Variants in ANAPC5 observed in about 807,000 individuals in gnomAD.
ANAPC5 encodes anaphase-promoting complex subunit 5.
A neutral mutation model predicts 91.3 loss-of-function variants in ANAPC5; 60 were observed. That is an observed-to-expected ratio of 0.66 (90% CI 0.53 to 0.81). The LOEUF (loss-of-function observed/expected upper bound fraction) is 0.81. Ranked by LOEUF, ANAPC5 falls within the 40% of genes least tolerant of loss-of-function variation. ANAPC5 has a pLI of 0.00. For missense variants in ANAPC5, 690 were observed against 931.5 expected, an observed-to-expected ratio of 0.74 and a Z score of 3.37; for synonymous variants, 340 against 364.1, an observed-to-expected ratio of 0.93 and a Z score of 0.75.
intron 9 of ANAPC5, 89 bp from the exon 10 acceptor site, chr12:121,328,586 T>G (rs1482039073): frequency 8.1e-6 from 10 of 1,236,426 alleles, no homozygotes; most frequent in Non-Finnish European, 1.2e-5. Context: ...ATTTCACATT[T>G]CAGCACATGC....
chr12:121,308,840 G>A, intron 16 of ANAPC5, 149 bp from the exon 17 acceptor site: 3 of 723,246 alleles, frequency 4.1e-6, no homozygotes, highest in Non-Finnish European at 6.9e-6. Context: ...CAAACCACTA[G>A]GGTGAGGTTT....
chr12:121,348,656 C>G (rs566075296), intron 1 of ANAPC5, among the ~76,000 whole-genome samples: 15 of 152,138 alleles, frequency 9.9e-5, no homozygotes, highest in African/African-American at 3.6e-4. Flanking sequence ...CAGAGCAAGA[C>G]TCCGTCTCCA....
At chr12:121,314,865 A>C (rs1417546493) in intron 15 of ANAPC5, among the ~76,000 whole-genome samples, 1 of 152,120 alleles carries the variant, frequency 6.6e-6, no homozygotes, top group Non-Finnish European at 1.5e-5. Context: ...TCCTGGCCTT[A>C]AGTAATCTGC....
Position 121,320,396 on chromosome 12 carries a change from G to C in ANAPC5, c.1504C>G (p.Gln502Glu). ...AAAAGGCAGATTACCTGGGCGTGCT[G>C]ACTATTAGGCGGAAATCGTTCCTTC... is the stretch of plus-strand genomic sequence containing the variant. ...HLKERFPPNS[Q>E]HAQLWMLCDQ... is the part of the protein sequence containing the mutation. Residue 502 changes from glutamine (Q) to glutamate (E), a missense_variant, in exon 12 of 17, where the codon CAG (glutamine) becomes GAG (glutamate). Physicochemically the swap from Gln to Glu is conservative, Grantham distance 29. Coordinates refer to ENST00000261819, the MANE Select transcript of ANAPC5 (RefSeq NM_016237.5). 6.2e-7 allele frequency: 1 copy of C among 1,613,598 alleles called. No homozygotes were observed. Among genetic ancestry groups the C allele is most frequent in the African/African-American group, 1.3e-5 (1 of 75,032 alleles).
chr12:121,319,917 A>G, intron 12 of ANAPC5, 99 bp from the exon 13 acceptor site: 2 of 1,173,272 alleles, frequency 1.7e-6, no homozygotes, highest in South Asian at 3.4e-5. Flanking sequence ...TATCCTTACA[A>G]TAATTCACAC....
At chr12:121,337,075 G>A (rs934620712) in intron 6 of ANAPC5, among the ~76,000 whole-genome samples, 21 of 152,126 alleles carry the variant, frequency 1.4e-4, no homozygotes, top group African/African-American at 4.8e-4. Flanking sequence ...AAAATTAGCT[G>A]GGCGTGGTGG....
chr12:121,329,583 T>C (rs1204333901), intron 9 of ANAPC5, among the ~76,000 whole-genome samples: 2 of 151,898 alleles, frequency 1.3e-5, no homozygotes, highest in African/African-American at 4.8e-5. Flanking sequence ...TGGGTGTTTC[T>C]GAGAGAGAAT....
chr12:121,345,740 C>T (rs1903641673), intron 4 of ANAPC5, 99 bp downstream of exon 4: 2 of 1,248,840 alleles, frequency 1.6e-6, no homozygotes, highest in Non-Finnish European at 2.3e-6. Flanking sequence ...GTAAAAAGGG[C>T]ATAAGCCAGC....
At position 121,335,596 on chromosome 12, in the gene ANAPC5, T is replaced by C. The variant is rs781789108; in HGVS notation, c.887A>G (p.Tyr296Cys). Residue 296 changes from tyrosine to cysteine, a missense_variant, in exon 7 of 17, where the codon TAT becomes TGT. Transcript: ENST00000261819. Reference sequence around the variant, plus strand: ...AGCGGCGTATCTCAAGCTCCGGCCATAGCCCTCTTCCCCATTACTTTTGCT... The same window carrying C: ...AGCGGCGTATCTCAAGCTCCGGCCACAGCCCTCTTCCCCATTACTTTTGCT... ...AESKSNGEEG[Y>C]GRSLRYAALN... 5.3e-5 allele frequency: 85 copies of C among 1,613,886 alleles called. No homozygotes were observed. Among genetic ancestry groups the C allele is most frequent in the Non-Finnish European group, 6.7e-5 (79 of 1,179,872 alleles).
intron 15 of ANAPC5, among the ~76,000 whole-genome samples, chr12:121,313,720 C>T (rs896269319): frequency 3.3e-5 from 5 of 152,124 alleles, no homozygotes; most frequent in Non-Finnish European, 7.4e-5. Context: ...TCTGAATAGA[C>T]CTATAACAAC....
chr12:121,347,893 A>G lies in ANAPC5; in HGVS notation c.208-12T>C, dbSNP rs1362253787. 10 of 1,571,756 alleles carry G rather than the reference A, an allele frequency of 6.4e-6. No individual in the cohort carries two copies. The highest frequency in any genetic ancestry group is 1.1e-5 in the South Asian group (1 of 89,906). ...GTAATATCTGGGCCCTGTGTAAAGG[A>G]GAGATAGGGAGGTATGGATTTTAAA... On this transcript the variant is annotated splice_polypyrimidine_tract_variant and intron_variant, in intron 1 of 16. Transcript: ENST00000261819.
chr12:121,340,327 A>C (rs190946342), intron 5 of ANAPC5, among the ~76,000 whole-genome samples: 121 of 151,524 alleles, frequency 8.0e-4, no homozygotes, highest in Non-Finnish European at 1.3e-3. Context: ...AAAAAAAAAA[A>C]AAAAACCAAC....
Position 121,318,372 on chromosome 12 carries a change from C to G in ANAPC5, c.1798G>C (p.Ala600Pro), listed in dbSNP as rs780247790. The G allele has an allele frequency of 2.1e-5, 34 of 1,612,152 alleles. No individual in the cohort carries two copies. Among genetic ancestry groups the G allele is most frequent in the Non-Finnish European group, 2.7e-5 (32 of 1,179,172 alleles). ...LYWRSSSPTI[A>P]LPMLLQALAL... ...AGAGCCTGCAGGAGCATGGGCAGCG[C>G]GATGGTAGGGGAGGAAGATCGCCAG... is the stretch of plus-strand genomic sequence containing the variant. Residue 600 changes from alanine to proline, a missense_variant, in exon 15 of 17, where the codon GCG becomes CCG. Ala to Pro is a conservative substitution (Grantham distance 27, BLOSUM62 -1). Around this residue, in one of 5 missense-constraint regions of ANAPC5, gnomAD observed 317 missense variants for 438.7 expected, o/e 0.72. Transcript: ENST00000261819.
At position 121,308,458 on chromosome 12, in the gene ANAPC5, C is replaced by A; in HGVS notation, c.*22G>T. 1 of 1,608,016 alleles carries A rather than the reference C, an allele frequency of 6.2e-7. No individual in the cohort carries two copies. The highest frequency in any genetic ancestry group is 8.5e-7 in the Non-Finnish European group (1 of 1,175,616). Reference sequence around the variant, plus strand: ...GTCCAAAATCTTATACTCTGCACAGCAGCCCAGCAGGGATGTCCTCTCTAG... The same window carrying A: ...GTCCAAAATCTTATACTCTGCACAGAAGCCCAGCAGGGATGTCCTCTCTAG... On this transcript the variant is annotated 3_prime_UTR_variant, in exon 17 of 17. Coordinates refer to ENST00000261819, the MANE Select transcript of ANAPC5 (RefSeq NM_016237.5).
chr12:121,336,378 C>A (rs1036480852), intron 6 of ANAPC5, among the ~76,000 whole-genome samples: 11 of 152,052 alleles, frequency 7.2e-5, no homozygotes, highest in Non-Finnish European at 1.6e-4. Flanking sequence ...AGTTTTTCAG[C>A]CTCAAAACTG....
Position 121,318,532 on chromosome 12 carries a change from G to A in ANAPC5, c.1714C>T (p.Gln572Ter), listed in dbSNP as rs1425256243. The change falls in exon 14 of 17, where the codon CAG (glutamine) becomes TAG (stop). Residue 572 changes from glutamine (Q) to a stop codon, truncating the protein, a stop_gained. Transcript: ENST00000261819. LOFTEE classifies it high-confidence loss of function. Reference protein sequence around the residue: ...KLLQKLLVHCQKLKNTEMVIS... With the variant: ...KLLQKLLVHC ...ACCATTTCTGTGTTCTTCAGTTTCT[G>A]ACAATGAACCAACAATTTTTGTAAA... 3.7e-6 allele frequency: 6 copies of A among 1,614,054 alleles called. No individual in the cohort carries two copies. In the Admixed American group the frequency reaches 8.3e-5, roughly 22 times the overall value.
Position 121,318,403 on chromosome 12 carries a change from C to T in ANAPC5, c.1767G>A (p.Glu589=), listed in dbSNP as rs1902457289. The T allele has an allele frequency of 2.5e-6, 4 of 1,611,514 alleles. No homozygotes were observed. The highest frequency in any genetic ancestry group is 3.4e-6 in the Non-Finnish European group (4 of 1,178,764). ...MVISVLLSVA[E]LYWRSSSPTI... is the part of the protein sequence containing the mutation. ...TAGGGGAGGAAGATCGCCAGTACAG[C>T]TCTGCCACGGACAGTAGGACACTGA... is the stretch of plus-strand genomic sequence containing the variant. Residue 589 remains glutamate (E), a synonymous_variant, in exon 15 of 17, where the codon GAG becomes GAA. Transcript: ENST00000261819.
rs528735477 is a variant in ANAPC5, at chr12:121,349,986, C to T, written c.208-2105G>A. ...TCAGCCTCCCAAAGTGCCGGGGTTA[C>T]AGGTGTGATCCCACCCGGCCTTTTA... is the stretch of plus-strand genomic sequence containing the variant. On this transcript the variant is annotated intron_variant, in intron 1 of 16. Transcript: ENST00000261819. Among the ~76,000 whole-genome samples, 14 of 152,218 alleles carry T rather than the reference C, an allele frequency of 9.2e-5. No individual in the cohort carries two copies. In the South Asian group the frequency reaches 2.9e-3, roughly 32 times the overall value.
chr12:121,344,576 G>C (rs573199151), intron 4 of ANAPC5, among the ~76,000 whole-genome samples: 1 of 140,698 alleles, frequency 7.1e-6, no homozygotes, highest in African/African-American at 2.7e-5. Flanking sequence ...AGTGAGACTT[G>C]ATCTCAAAAA....
Sources: allele counts gnomAD v4.1 joint callset (sites outside exome capture counted in the v4.1 genomes callset), GRCh38; gene constraint gnomAD v4.1.1; regional missense constraint gnomAD v4.1.1; transcripts MANE v1.5; gene names NCBI Gene and HGNC (gene_info 2026-07-23, HGNC 2026-07-21).